PIK3CA: variants seen among roughly 807,000 people sequenced by gnomAD.
PIK3CA encodes phosphatidylinositol-4,5-bisphosphate 3-kinase catalytic subunit alpha, also known as phosphatidylinositol 4,5-bisphosphate 3-kinase catalytic subunit alpha isoform.
A neutral mutation model predicts 138.2 loss-of-function variants in PIK3CA; 27 were observed. The ratio of observed to expected loss-of-function variants is 0.20; its 90% confidence interval spans 0.14 to 0.27. The LOEUF is 0.27. Ranked by LOEUF, PIK3CA falls within the 10% of genes least tolerant of loss-of-function variation. The pLI, the probability that PIK3CA is intolerant of heterozygous loss-of-function variation, is 1.00. For missense variants in PIK3CA, 544 were observed against 1,277.4 expected, an observed-to-expected ratio of 0.43 and a Z score of 8.75; for synonymous variants, 358 against 413.2, an observed-to-expected ratio of 0.87 and a Z score of 1.62.
chr3:179,157,675 T>C (rs1219714867), intron 1 of PIK3CA, among the ~76,000 whole-genome samples: 1 of 152,082 alleles, frequency 6.6e-6, no homozygotes, highest in Non-Finnish European at 1.5e-5. Context: ...AATCTGACAA[T>C]GGGACAGGAT....
At chr3:179,227,777 C>CTG in intron 17 of PIK3CA, among the ~76,000 whole-genome samples, 1 of 152,180 alleles carries the variant, frequency 6.6e-6, no homozygotes, top group East Asian at 1.9e-4. Context: ...ACGTGTCAAT[C>CTG]TGAATGTTAG....
In PIK3CA at chr3:179,238,555, T is replaced by G. The variant is rs187955089; in HGVS notation, c.*4191T>G. Reference sequence around the variant, plus strand: ...CAAGCTCAGAAACTGTGCAGATCACTGAATTTTAGATTTATAAAGTCAGAG... The same window carrying G: ...CAAGCTCAGAAACTGTGCAGATCACGGAATTTTAGATTTATAAAGTCAGAG... On this transcript the variant is annotated 3_prime_UTR_variant, in exon 21 of 21. Coordinates refer to ENST00000263967, the MANE Select transcript of PIK3CA (RefSeq NM_006218.4). 173 of 219,232 alleles carry G rather than the reference T, an allele frequency of 7.9e-4. No individual in the cohort carries two copies. The highest frequency in any genetic ancestry group is 3.8e-3 in the African/African-American group (169 of 44,610). The allele number at this position is 219,232 out of a possible 1,614,324, so 13.6% of individuals were successfully genotyped here. A position where few individuals can be genotyped will look rare whatever the true frequency, so the allele number is the denominator to read the frequency against.
Position 179,224,770 on chromosome 3 carries a change from A to G in PIK3CA, c.2365A>G (p.Met789Val), listed in dbSNP as rs2108418054. The G allele has an allele frequency of 6.2e-7, 1 of 1,606,368 alleles. No individual in the cohort carries two copies. ...LWLNWENPDI[M>V]SELLFQNNEI... is the part of the protein sequence containing the mutation. ...GTTGAATTGGGAGAACCCAGACATC[A>G]TGTCAGAGTTACTGTTTCAGAACAA... Residue 789 changes from methionine (M) to valine (V), a missense_variant, in exon 16 of 21, where the codon ATG (methionine) becomes GTG (valine). Transcript: ENST00000263967.
intron 1 of PIK3CA, among the ~76,000 whole-genome samples, chr3:179,154,044 C>T (rs1723073533): frequency 6.6e-6 from 1 of 152,174 alleles, no homozygotes; most frequent in Admixed American, 6.5e-5. Flanking sequence ...CTTTCTTTCC[C>T]TCTCTACCTA....
At chr3:179,210,132 T>C (rs1247552126) in intron 7 of PIK3CA, 54 bp from the exon 8 acceptor site, 1 of 1,369,768 alleles carries the variant, frequency 7.3e-7, no homozygotes, top group African/African-American at 1.5e-5. Flanking sequence ...AGAAAAGTGT[T>C]TTGAAATGTG....
rs2108410891 is a variant in PIK3CA at position 179,219,643 on chromosome 3, C to G, written c.1819C>G (p.Pro607Ala). Residue 607 changes from proline to alanine, a missense_variant, in exon 12 of 21, where the codon CCA (proline) becomes GCA (alanine). Physicochemically the swap from Pro to Ala is conservative, Grantham distance 27 (BLOSUM62 -1). Around this residue, in one of 14 missense-constraint regions of PIK3CA, gnomAD observed 11 missense variants for 48.4 expected, o/e 0.23. Coordinates refer to ENST00000263967, the MANE Select transcript of PIK3CA (RefSeq NM_006218.4). This position sits in a 1 kb window ranked among gnomAD's most constrained non-coding sequence, Gnocchi z 4.2. ...TATGGAACTTCTGGACTGTAATTACCCAGATCCTATGGTTCGAGGTTTTGC... is the reference window on the plus strand; with the variant it reads ...TATGGAACTTCTGGACTGTAATTACGCAGATCCTATGGTTCGAGGTTTTGC... ...QAMELLDCNYPDPMVRGFAVR... is the reference protein window; with the variant it reads ...QAMELLDCNYADPMVRGFAVR... 6.2e-7 allele frequency: 1 copy of G among 1,608,880 alleles called. No homozygotes were observed. The highest frequency in any genetic ancestry group is 2.2e-5 in the East Asian group (1 of 44,778).
At position 179,230,476 on chromosome 3, in the gene PIK3CA, TG is replaced by T. The variant is rs1488566765; in HGVS notation, c.2936+103del. On this transcript the variant is annotated intron_variant, in intron 20 of 20. Coordinates refer to ENST00000263967, the MANE Select transcript of PIK3CA (RefSeq NM_006218.4). This position sits in a 1 kb window ranked among gnomAD's most constrained non-coding sequence, Gnocchi z 5.4. ...CAATTTCAAAATAATAAATGTTGGCTGGGTGTGGTGGTTCATGCCTGTAATC... is the reference window on the plus strand; with the variant it reads ...CAATTTCAAAATAATAAATGTTGGCTGGTGTGGTGGTTCATGCCTGTAATC... 3 of 1,029,748 alleles carry T rather than the reference TG, an allele frequency of 2.9e-6. No homozygotes were observed. In the African/African-American group the frequency reaches 4.9e-5, roughly 17 times the overall value. The allele number at this position is 1,029,748 out of a possible 1,614,324, so 63.8% of individuals were successfully genotyped here. A position where few individuals can be genotyped will look rare whatever the true frequency, so the allele number is the denominator to read the frequency against.
chr3:179,220,683 T>C lies in PIK3CA; in HGVS notation c.2016-303T>C, dbSNP rs1428826073. Among the ~76,000 whole-genome samples the C allele has an allele frequency of 1.3e-5, 2 of 152,116 alleles. No homozygotes were observed. Among genetic ancestry groups the C allele is most frequent in the Admixed American group, 6.6e-5 (1 of 15,260 alleles). ...AGCGCTTTGTTCCCTCCCTCTTCAT[T>C]TGATTATTTTTGTGCTCAATTTCCT... On this transcript the variant is annotated intron_variant, in intron 13 of 20. Transcript: ENST00000263967. The surrounding 1 kb of genome is among the most constrained non-coding windows in gnomAD (Gnocchi z 4.1).
chr3:179,168,850 T>G (rs1484329735), intron 1 of PIK3CA, among the ~76,000 whole-genome samples: 1 of 152,168 alleles, frequency 6.6e-6, no homozygotes, highest in Non-Finnish European at 1.5e-5. Flanking sequence ...CTCTTCCCTA[T>G]TGATTTGAAA....
chr3:179,227,880 CTAAAAAGCAT>C (rs1560148420), intron 17 of PIK3CA, among the ~76,000 whole-genome samples: 1 of 151,948 alleles, frequency 6.6e-6, no homozygotes, highest in East Asian at 1.9e-4. Context: ...GAGAGGTACC[CTAAAAAGCAT>C]TTGTGCCACA....
intron 1 of PIK3CA, among the ~76,000 whole-genome samples, chr3:179,178,009 G>A (rs1723742303): frequency 6.6e-6 from 1 of 150,804 alleles, no homozygotes; most frequent in Admixed American, 6.6e-5. Context: ...GGAGGCCAAG[G>A]TGGGAGGATC....
At chr3:179,174,049 T>G (rs759548814) in intron 1 of PIK3CA, among the ~76,000 whole-genome samples, 6 of 152,042 alleles carry the variant, frequency 3.9e-5, no homozygotes, top group Admixed American at 2.6e-4. Context: ...TAAAACTTGG[T>G]TGTAGTGGTG....
chr3:179,149,127 G>A (rs924015457), intron 1 of PIK3CA, among the ~76,000 whole-genome samples: 34 of 152,148 alleles, frequency 2.2e-4, no homozygotes, highest in Non-Finnish European at 2.5e-4. Context: ...CCCGGCAGGG[G>A]TATGGAAGGA....
chr3:179,222,205 T>G (rs1000011706), intron 14 of PIK3CA, among the ~76,000 whole-genome samples: 5 of 152,094 alleles, frequency 3.3e-5, no homozygotes, highest in Admixed American at 1.3e-4. Context: ...CTGAATGAAT[T>G]TTTCCAGCAT....
At position 179,210,265 on chromosome 3, in the gene PIK3CA, A is replaced by G. The variant is rs1404174283; in HGVS notation, c.1331A>G (p.Asn444Ser). 6.3e-7 allele frequency: 1 copy of G among 1,596,444 alleles called. No homozygotes were observed. Among genetic ancestry groups the G allele is most frequent in the Non-Finnish European group, 8.5e-7 (1 of 1,175,984 alleles). ...CTAGTATCTGGAAAAATGGCTTTGAATCTTTGGCCAGTACCTCATGGATTA... is the reference window on the plus strand; with the variant it reads ...CTAGTATCTGGAAAAATGGCTTTGAGTCTTTGGCCAGTACCTCATGGATTA... ...DTLVSGKMAL[N>S]LWPVPHGLED... The change falls in exon 8 of 21, where the codon AAT becomes AGT. Residue 444 changes from asparagine to serine, a missense_variant. Transcript: ENST00000263967.
intron 16 of PIK3CA, among the ~76,000 whole-genome samples, chr3:179,225,528 G>C (rs1725063422): frequency 1.3e-5 from 2 of 152,024 alleles, no homozygotes; most frequent in South Asian, 4.1e-4. Context: ...TACTATAAAT[G>C]CTTTAATTAA....
At chr3:179,214,708 G>A (rs756427079) in intron 9 of PIK3CA, among the ~76,000 whole-genome samples, 8 of 152,134 alleles carry the variant, frequency 5.3e-5, no homozygotes, top group Non-Finnish European at 1.2e-4. Flanking sequence ...TGTTGGAAAT[G>A]CAATATCTGT....
At chr3:179,180,280 T>A (rs1197917492) in intron 1 of PIK3CA, among the ~76,000 whole-genome samples, 1 of 152,188 alleles carries the variant, frequency 6.6e-6, no homozygotes, top group African/African-American at 2.4e-5. Context: ...TCTCATTCTG[T>A]ACCTGTCAGA....
intron 1 of PIK3CA, among the ~76,000 whole-genome samples, chr3:179,167,797 C>T (rs1051136969): frequency 6.6e-6 from 1 of 152,172 alleles, no homozygotes; most frequent in East Asian, 1.9e-4. Flanking sequence ...ATTCCACATA[C>T]TGCTCAAAAT....
Sources: allele counts gnomAD v4.1 joint callset (sites outside exome capture counted in the v4.1 genomes callset), GRCh38; gene constraint gnomAD v4.1.1; regional missense constraint gnomAD v4.1.1; non-coding constraint Gnocchi (gnomAD v3.1); transcripts MANE v1.5; gene names NCBI Gene and HGNC (gene_info 2026-07-23, HGNC 2026-07-21).